CLEC16A: variants seen among roughly 807,000 people sequenced by gnomAD.
The protein encoded by CLEC16A is protein CLEC16A.
In CLEC16A, 51 loss-of-function variants were observed where a neutral mutation model predicts 109.5. The observed-to-expected ratio is 0.47, with a 90% confidence interval of 0.37 to 0.59. The LOEUF is 0.59. Ranked by LOEUF, CLEC16A falls within the 20% of genes least tolerant of loss-of-function variation. CLEC16A has a pLI of 0.00. For synonymous variants in CLEC16A, 673 were observed against 564.2 expected (o/e 1.19, Z -2.73); for missense variants, 1,339 against 1,394.0 (o/e 0.96, Z 0.63).
intron 13 of CLEC16A, among the ~76,000 whole-genome samples, chr16:11,035,744 A>G (rs1015170934): frequency 3.9e-5 from 6 of 152,282 alleles, no homozygotes; most frequent in African/African-American, 1.4e-4. Flanking sequence ...TCATCTTAGC[A>G]GAATCCTCTC....
chr16:11,032,381 A>G (rs1461909344), intron 13 of CLEC16A, among the ~76,000 whole-genome samples: 1 of 152,224 alleles, frequency 6.6e-6, no homozygotes, highest in African/African-American at 2.4e-5. Flanking sequence ...TGCACCTCTC[A>G]GAATGGGTTT....
intron 8 of CLEC16A, among the ~76,000 whole-genome samples, chr16:10,977,755 T>C (rs1238651476): frequency 6.6e-6 from 1 of 152,148 alleles, no homozygotes; most frequent in African/African-American, 2.4e-5. Context: ...TGACCTCAGG[T>C]GATACACCTG....
chr16:10,979,296 T>A (rs1225342676), intron 8 of CLEC16A, 33 bp from the exon 9 acceptor site: 1 of 1,359,726 alleles, frequency 7.4e-7, no homozygotes, highest in African/African-American at 1.5e-5. Flanking sequence ...TGTGACCTGA[T>A]CTCTCTCTCT....
At chr16:11,046,632 T>G (rs1463076886) in intron 16 of CLEC16A, among the ~76,000 whole-genome samples, 1 of 152,162 alleles carries the variant, frequency 6.6e-6, no homozygotes, top group Non-Finnish European at 1.5e-5. Context: ...GTGCATTAAC[T>G]CATTTCATCT....
intron 20 of CLEC16A, among the ~76,000 whole-genome samples, chr16:11,122,484 T>C (rs2052495578): frequency 1.3e-5 from 2 of 152,232 alleles, no homozygotes; most frequent in African/African-American, 4.8e-5. Flanking sequence ...TAAACCTTTT[T>C]TTTTGGCCGT....
In CLEC16A at chr16:11,181,798, G is replaced by A. The variant is rs75129454; in HGVS notation, c.*3108G>A. 1.6e-4 allele frequency: 24 copies of A among 152,766 alleles called. No homozygotes were observed. The East Asian group carries it at 3.1e-3, about 20-fold the overall frequency. The allele number at this position is 152,766 out of a possible 1,614,324, so 9.5% of individuals were successfully genotyped here. ...AGCAACCTAAGGGGCAGGTGAAGAA[G>A]CGCAGCCCTGCCAGACGCGCTAGAT... On this transcript the variant is annotated 3_prime_UTR_variant, in exon 24 of 24. Coordinates refer to ENST00000409790, the MANE Select transcript of CLEC16A (RefSeq NM_015226.3).
At chr16:11,049,741 G>C (rs1193110740) in intron 17 of CLEC16A, among the ~76,000 whole-genome samples, 3 of 152,214 alleles carry the variant, frequency 2.0e-5, no homozygotes, top group African/African-American at 7.2e-5. Flanking sequence ...AAAAGGTTCA[G>C]TGAGGTGATG....
At chr16:11,011,741 C>T (rs1265379641) in intron 11 of CLEC16A, among the ~76,000 whole-genome samples, 1 of 152,122 alleles carries the variant, frequency 6.6e-6, no homozygotes, top group South Asian at 2.1e-4. Context: ...TATGTGCCTA[C>T]ATATACATAC....
chr16:11,165,934 G>GTGACTTCAGAGCGTGGGTCCCCCAGATA lies in CLEC16A; in HGVS notation c.2642-429_2642-428insATATGACTTCAGAGCGTGGGTCCCCCAG, dbSNP rs2068242445. Among the ~76,000 whole-genome samples the GTGACTTCAGAGCGTGGGTCCCCCAGATA allele has an allele frequency of 3.3e-5, 5 of 152,318 alleles. No homozygotes were observed. The South Asian group carries it at 1.0e-3, about 32-fold the overall frequency. ...CAGGGCACTGTCCTCCTGCCCGGGT[G>GTGACTTCAGAGCGTGGGTCCCCCAGATA]TGACTTCAGAGCGTGGGTCCCCCAG... On this transcript the variant is annotated intron_variant, in intron 22 of 23. Transcript: ENST00000409790.
chr16:11,127,088 AAATAAGT>A (rs1160483260), intron 22 of CLEC16A, among the ~76,000 whole-genome samples: 1 of 152,258 alleles, frequency 6.6e-6, no homozygotes, highest in African/African-American at 2.4e-5. Context: ...ATCAAATGAA[AAATAAGT>A]CTACTTTGCT....
At chr16:11,120,995 C>T (rs1284568562) in intron 20 of CLEC16A, among the ~76,000 whole-genome samples, 1 of 152,224 alleles carries the variant, frequency 6.6e-6, no homozygotes, top group Non-Finnish European at 1.5e-5. Flanking sequence ...TACACCTCCC[C>T]TCCACCAGAG....
intron 18 of CLEC16A, among the ~76,000 whole-genome samples, chr16:11,052,358 G>C (rs921806806): frequency 6.6e-6 from 1 of 152,158 alleles, no homozygotes; most frequent in African/African-American, 2.4e-5. Flanking sequence ...CCCCTTGTCA[G>C]CCTTTATCAT....
intron 2 of CLEC16A, among the ~76,000 whole-genome samples, chr16:10,958,203 T>C (rs1045184883): frequency 6.6e-6 from 1 of 152,210 alleles, no homozygotes; most frequent in African/African-American, 2.4e-5. Context: ...AAGGAGAACA[T>C]GTCTGGTGGT....
intron 19 of CLEC16A, among the ~76,000 whole-genome samples, chr16:11,110,725 C>T (rs531072758): frequency 6.6e-6 from 1 of 152,260 alleles, no homozygotes; most frequent in Admixed American, 6.5e-5. Flanking sequence ...CATGCCCCTC[C>T]CAGATACCCT....
intron 18 of CLEC16A, among the ~76,000 whole-genome samples, chr16:11,058,344 T>A (rs888983387): frequency 2.0e-5 from 3 of 152,240 alleles, no homozygotes; most frequent in African/African-American, 7.2e-5. Flanking sequence ...TCAAGTCCCT[T>A]ATATAAACGG....
intron 19 of CLEC16A, 21 bp downstream of exon 19, chr16:11,061,043 C>A: frequency 6.3e-7 from 1 of 1,592,852 alleles, no homozygotes; most frequent in Non-Finnish European, 8.5e-7. Context: ...TGCTCTGAGT[C>A]ACAGCAGGGG....
At chr16:11,045,710 TG>T (rs769807885) in intron 16 of CLEC16A, among the ~76,000 whole-genome samples, 18 of 152,306 alleles carry the variant, frequency 1.2e-4, no homozygotes, top group Middle Eastern at 3.4e-3. Context: ...CTGCGAGTGA[TG>T]GTTTCCCCTC....
At chr16:11,044,307 G>A (rs1567236917) in intron 16 of CLEC16A, 2 of 355,556 alleles carry the variant, frequency 5.6e-6, no homozygotes, top group Non-Finnish European at 1.0e-5. Context: ...ATGATAATTT[G>A]TTTCTCAGTA....
chr16:11,049,025 C>G (rs1165857597), intron 17 of CLEC16A, among the ~76,000 whole-genome samples: 3 of 144,572 alleles, frequency 2.1e-5, no homozygotes, highest in African/African-American at 7.8e-5. Flanking sequence ...TTTTTTTTTT[C>G]GAACAGAGTT....
Sources: allele counts gnomAD v4.1 joint callset (sites outside exome capture counted in the v4.1 genomes callset), GRCh38; gene constraint gnomAD v4.1.1; transcripts MANE v1.5; gene names NCBI Gene and HGNC (gene_info 2026-07-23, HGNC 2026-07-21).